The following BTG1 variants were observed in gnomAD, a reference collection of about 807,000 sequenced individuals.
The protein encoded by BTG1 is protein BTG1.
A neutral mutation model predicts 15.2 loss-of-function variants in BTG1; 2 were observed. That is an observed-to-expected ratio of 0.13 (90% CI 0.05 to 0.41). The LOEUF (loss-of-function observed/expected upper bound fraction) is 0.41, where lower values mean the gene tolerates loss of function less well. BTG1 is among the 10% of genes least tolerant of loss of function. BTG1 has a pLI of 0.99. For synonymous variants in BTG1, 109 were observed against 82.4 expected, an observed-to-expected ratio of 1.32 and a Z score of -1.75; for missense variants, 149 against 215.0, an observed-to-expected ratio of 0.69 and a Z score of 1.92.
At chr12:92,144,489 G>C (rs373265069) in intron 1 of BTG1, 42 bp from the exon 2 acceptor site, 35 of 1,597,250 alleles carry the variant, frequency 2.2e-5, no homozygotes, top group Non-Finnish European at 2.7e-5. Flanking sequence ...GCTTAGGATC[G>C]TTAGCTCCCA....
chr12:92,142,439 C>G lies in BTG1; in HGVS notation c.*1641G>C, dbSNP rs1049587224. On this transcript the variant is annotated 3_prime_UTR_variant, in exon 2 of 2. Transcript: ENST00000256015. Reference sequence around the variant, plus strand: ...CACTGAAAAACGCTGTTATCCTCTACAACTAAACAGCAAGTCCTTCTATTA... The same window carrying G: ...CACTGAAAAACGCTGTTATCCTCTAGAACTAAACAGCAAGTCCTTCTATTA... The G allele has an allele frequency of 4.3e-6, 1 of 231,910 alleles. No individual in the cohort carries two copies. The highest frequency in any genetic ancestry group is 1.8e-4 in the South Asian group (1 of 5,516). The allele number at this position is 231,910 out of a possible 1,614,324, so 14.4% of individuals were successfully genotyped here.
Position 92,143,473 on chromosome 12 carries a change from T to A in BTG1, c.*607A>T, listed in dbSNP as rs899729976. 8.5e-6 allele frequency: 2 copies of A among 233,922 alleles called. No individual in the cohort carries two copies. Among genetic ancestry groups the A allele is most frequent in the Non-Finnish European group, 8.5e-6 (1 of 118,308 alleles). 14.5% of individuals were successfully genotyped at this position (233,922 alleles called of 1,614,324 possible). Reference sequence around the variant, plus strand: ...ACAGTGTCTTTTTAAGGGTCTTTTTTAAAGCCTGTTGCCATGGCAGATTCT... The same window carrying A: ...ACAGTGTCTTTTTAAGGGTCTTTTTAAAAGCCTGTTGCCATGGCAGATTCT... On this transcript the variant is annotated 3_prime_UTR_variant, in exon 2 of 2. Transcript: ENST00000256015.
At position 92,142,525 on chromosome 12, in the gene BTG1, T is replaced by C. The variant is rs1038982368; in HGVS notation, c.*1555A>G. On this transcript the variant is annotated 3_prime_UTR_variant, in exon 2 of 2. Coordinates refer to ENST00000256015, the MANE Select transcript of BTG1 (RefSeq NM_001731.3). ...TCAAGGTTCACTTAGGTTTTTAGTATTTATCTGAAATAAAAGTCTGAAAAT... is the reference window on the plus strand; with the variant it reads ...TCAAGGTTCACTTAGGTTTTTAGTACTTATCTGAAATAAAAGTCTGAAAAT... 3 of 232,520 alleles carry C rather than the reference T, an allele frequency of 1.3e-5. No individual in the cohort carries two copies. Among genetic ancestry groups the C allele is most frequent in the African/African-American group, 6.6e-5 (3 of 45,322 alleles). 14.4% of individuals were successfully genotyped at this position (232,520 alleles called of 1,614,324 possible). A position where few individuals can be genotyped will look rare whatever the true frequency, so the allele number is the denominator to read the frequency against.
chr12:92,144,691 G>A (rs967264429), intron 1 of BTG1, among the ~76,000 whole-genome samples: 1 of 152,186 alleles, frequency 6.6e-6, no homozygotes, highest in Admixed American at 6.5e-5. Context: ...GCCAAAACAG[G>A]AATCAGGCGC....
Position 92,145,821 on chromosome 12 carries a change from A to T in BTG1, c.-286T>A. On this transcript the variant is annotated 5_prime_UTR_variant, in exon 1 of 2. Transcript: ENST00000256015. Reference sequence around the variant, plus strand: ...CTCCGCAGCATTCGAAGATCTCAATAGCTGCATTTCCAGCTCCGAGAGGCG... The same window carrying T: ...CTCCGCAGCATTCGAAGATCTCAATTGCTGCATTTCCAGCTCCGAGAGGCG... The T allele has an allele frequency of 4.0e-6, 1 of 246,990 alleles. No individual in the cohort carries two copies. 15.3% of individuals were successfully genotyped at this position (246,990 alleles called of 1,614,324 possible).
At position 92,143,098 on chromosome 12, in the gene BTG1, A is replaced by C. The variant is rs1870359140; in HGVS notation, c.*982T>G. The C allele has an allele frequency of 4.3e-6, 1 of 232,628 alleles. No individual in the cohort carries two copies. Among genetic ancestry groups the C allele is most frequent in the African/African-American group, 2.2e-5 (1 of 45,300 alleles). The allele number at this position is 232,628 out of a possible 1,614,324, so 14.4% of individuals were successfully genotyped here. A position where few individuals can be genotyped will look rare whatever the true frequency, so the allele number is the denominator to read the frequency against. ...TCTAAGAAAAAATACTTTTAGCTAA[A>C]CCTCTATAATCATGACAAGAGATTG... is the stretch of plus-strand genomic sequence containing the variant. On this transcript the variant is annotated 3_prime_UTR_variant, in exon 2 of 2. Transcript: ENST00000256015.
Position 92,145,437 on chromosome 12 carries a change from G to A in BTG1, c.99C>T (p.Ser33=), listed in dbSNP as rs1870524761. The A allele has an allele frequency of 2.5e-6, 4 of 1,591,916 alleles. No homozygotes were observed. Among genetic ancestry groups the A allele is most frequent in the African/African-American group, 1.4e-5 (1 of 71,864 alleles). Residue 33 remains serine, a synonymous_variant, in exon 1 of 2, where the codon AGC becomes AGT. Transcript: ENST00000256015. The part of the protein sequence containing the change: ...SKFLRTKGLT[S]ERQLQTFSQS... ...GGCTGAAGGTCTGCAGCTGTCGCTC[G>A]CTCGTGAGCCCCTTGGTGCGGAGAA...
Position 92,141,077 on chromosome 12 carries a change from G to A in BTG1, c.*3003C>T, listed in dbSNP as rs917248261. 6.9e-5 allele frequency: 16 copies of A among 232,736 alleles called. No individual in the cohort carries two copies. The Admixed American group carries it at 8.4e-4, about 12-fold the overall frequency. The allele number at this position is 232,736 out of a possible 1,614,324, so 14.4% of individuals were successfully genotyped here. Reference sequence around the variant, plus strand: ...AGATTTATTTGCTCCCAAGATTAAAGGGAGCCTGGAAACCTGTAGTCATTA... The same window carrying A: ...AGATTTATTTGCTCCCAAGATTAAAAGGAGCCTGGAAACCTGTAGTCATTA... On this transcript the variant is annotated 3_prime_UTR_variant, in exon 2 of 2. Coordinates refer to ENST00000256015, the MANE Select transcript of BTG1 (RefSeq NM_001731.3).
At chr12:92,145,240 G>C (rs1050455942) in intron 1 of BTG1, 148 bp downstream of exon 1, 26 of 1,216,360 alleles carry the variant, frequency 2.1e-5, no homozygotes, top group Non-Finnish European at 2.6e-5. Context: ...CGCTGTTAGC[G>C]GCCACCCAGC....
rs1328316487 is a variant in BTG1, at chr12:92,145,431, T to C, written c.105A>G (p.Arg35=). ...GGCTCTGGCTGAAGGTCTGCAGCTG[T>C]CGCTCGCTCGTGAGCCCCTTGGTGC... is the stretch of plus-strand genomic sequence containing the variant. The part of the protein sequence containing the change: ...FLRTKGLTSE[R]QLQTFSQSLQ... The change falls in exon 1 of 2, where the codon CGA becomes CGG. Residue 35 remains arginine, a synonymous_variant. Transcript: ENST00000256015. 1.3e-6 allele frequency: 2 copies of C among 1,591,848 alleles called. No individual in the cohort carries two copies. Among genetic ancestry groups the C allele is most frequent in the Non-Finnish European group, 1.7e-6 (2 of 1,170,572 alleles).
rs1414694149 is a variant in BTG1, at chr12:92,141,032, G to A, written c.*3048C>T. The A allele has an allele frequency of 1.3e-5, 3 of 232,580 alleles. No homozygotes were observed. Among genetic ancestry groups the A allele is most frequent in the Non-Finnish European group, 2.5e-5 (3 of 117,742 alleles). The allele number at this position is 232,580 out of a possible 1,614,324, so 14.4% of individuals were successfully genotyped here. A position where few individuals can be genotyped will look rare whatever the true frequency, so the allele number is the denominator to read the frequency against. Reference sequence around the variant, plus strand: ...GAGTATCAGAAATGTTAAAAGTCACGCAGGGAGAAGTCCAATAGTAGATTT... The same window carrying A: ...GAGTATCAGAAATGTTAAAAGTCACACAGGGAGAAGTCCAATAGTAGATTT... On this transcript the variant is annotated 3_prime_UTR_variant, in exon 2 of 2. Transcript: ENST00000256015.
Position 92,145,660 on chromosome 12 carries a change from G to T in BTG1, c.-125C>A. 1.8e-6 allele frequency: 1 copy of T among 568,212 alleles called. No homozygotes were observed. The highest frequency in any genetic ancestry group is 2.7e-6 in the Non-Finnish European group (1 of 376,166). 35.2% of individuals were successfully genotyped at this position (568,212 alleles called of 1,614,324 possible). A position where few individuals can be genotyped will look rare whatever the true frequency, so the allele number is the denominator to read the frequency against. On this transcript the variant is annotated 5_prime_UTR_variant, in exon 1 of 2. Coordinates refer to ENST00000256015, the MANE Select transcript of BTG1 (RefSeq NM_001731.3). The stretch of plus-strand genomic sequence containing the variant: ...GAGAGGAAGAGAGGGCGTGAGGGGC[G>T]GACGACTACTTTTGTCTTTCTTTCT...
chr12:92,142,736 T>G lies in BTG1; in HGVS notation c.*1344A>C. 1 of 233,102 alleles carries G rather than the reference T, an allele frequency of 4.3e-6. No individual in the cohort carries two copies. Among genetic ancestry groups the G allele is most frequent in the Non-Finnish European group, 8.5e-6 (1 of 117,970 alleles). The allele number at this position is 233,102 out of a possible 1,614,324, so 14.4% of individuals were successfully genotyped here. On this transcript the variant is annotated 3_prime_UTR_variant, in exon 2 of 2. Coordinates refer to ENST00000256015, the MANE Select transcript of BTG1 (RefSeq NM_001731.3). ...TATGGGTCACCTGCCCCGGGGAAATTTCTAATTGAACAAAGAATCCATGGG... is the reference window on the plus strand; with the variant it reads ...TATGGGTCACCTGCCCCGGGGAAATGTCTAATTGAACAAAGAATCCATGGG...
At position 92,145,741 on chromosome 12, in the gene BTG1, A is replaced by C. The variant is rs1870547799; in HGVS notation, c.-206T>G. ...AGGCGGCAGGAGAGAGGAAGAGACG[A>C]GCGATGGCGGCCTGGTCACATCGCT... On this transcript the variant is annotated 5_prime_UTR_variant, in exon 1 of 2. Transcript: ENST00000256015. 3.2e-6 allele frequency: 1 copy of C among 316,974 alleles called. No homozygotes were observed. Among genetic ancestry groups the C allele is most frequent in the Non-Finnish European group, 5.6e-6 (1 of 177,162 alleles). The allele number at this position is 316,974 out of a possible 1,614,324, so 19.6% of individuals were successfully genotyped here.
chr12:92,144,709 C>CT (rs1565855408), intron 1 of BTG1, among the ~76,000 whole-genome samples: 1 of 152,192 alleles, frequency 6.6e-6, no homozygotes, highest in Admixed American at 6.5e-5. Context: ...CGCGCAGCCT[C>CT]GGCCAGTCGG....
At position 92,143,242 on chromosome 12, in the gene BTG1, C is replaced by G. The variant is rs1592656772; in HGVS notation, c.*838G>C. 2 of 232,830 alleles carry G rather than the reference C, an allele frequency of 8.6e-6. No homozygotes were observed. The highest frequency in any genetic ancestry group is 1.1e-4 in the Admixed American group (2 of 17,776). 14.4% of individuals were successfully genotyped at this position (232,830 alleles called of 1,614,324 possible). A position where few individuals can be genotyped will look rare whatever the true frequency, so the allele number is the denominator to read the frequency against. On this transcript the variant is annotated 3_prime_UTR_variant, in exon 2 of 2. Transcript: ENST00000256015. Reference sequence around the variant, plus strand: ...TATACATGAACTGTACAAATTTACACCAGTTCATAATTTACCAAATAAAAG... The same window carrying G: ...TATACATGAACTGTACAAATTTACAGCAGTTCATAATTTACCAAATAAAAG...
chr12:92,145,558 CCGGGGCGGCTGGGGCTCGG>C lies in BTG1; in HGVS notation c.-42_-24del. 7.2e-7 allele frequency: 1 copy of C among 1,385,358 alleles called. No homozygotes were observed. Among genetic ancestry groups the C allele is most frequent in the Non-Finnish European group, 9.4e-7 (1 of 1,064,192 alleles). The allele number at this position is 1,385,358 out of a possible 1,614,324, so 85.8% of individuals were successfully genotyped here. A position where few individuals can be genotyped will look rare whatever the true frequency, so the allele number is the denominator to read the frequency against. ...CATGGGGGCGGCGTGCGGGGGCGGCCCGGGGCGGCTGGGGCTCGGCGGCGCGGCCCCGACGGCGGAGCAG... is the reference window on the plus strand; with the variant it reads ...CATGGGGGCGGCGTGCGGGGGCGGCCCGGCGCGGCCCCGACGGCGGAGCAG... On this transcript the variant is annotated 5_prime_UTR_variant, in exon 1 of 2. Transcript: ENST00000256015.
At chr12:92,145,093 CCGA>C (rs1211234323) in intron 1 of BTG1, 2 of 248,920 alleles carry the variant, frequency 8.0e-6, no homozygotes, top group African/African-American at 4.5e-5. Context: ...CCCAAATCCG[CCGA>C]CGGTCCTCGG....
intron 1 of BTG1, 138 bp from the exon 2 acceptor site, chr12:92,144,585 G>T (rs1324323057): frequency 1.7e-6 from 2 of 1,159,952 alleles, no homozygotes; most frequent in Non-Finnish European, 2.4e-6. Context: ...TGCATCCGTT[G>T]TTGTGCATGT....
Sources: allele counts gnomAD v4.1 joint callset (sites outside exome capture counted in the v4.1 genomes callset), GRCh38; gene constraint gnomAD v4.1.1; transcripts MANE v1.5; gene names NCBI Gene and HGNC (gene_info 2026-07-23, HGNC 2026-07-21).